SH3PXD2A: variants seen among roughly 807,000 people sequenced by gnomAD.
SH3PXD2A encodes SH3 and PX domains 2A.
SH3PXD2A carries 32 observed loss-of-function variants against 115.2 expected under a neutral mutation model. The observed-to-expected ratio is 0.28, with a 90% CI of 0.21 to 0.37. SH3PXD2A has a LOEUF of 0.37. Ranked by LOEUF, SH3PXD2A falls within the 10% of genes least tolerant of loss-of-function variation. The pLI, the probability that SH3PXD2A is intolerant of heterozygous loss-of-function variation, is 1.00. For synonymous variants in SH3PXD2A, 610 were observed against 629.1 expected (o/e 0.97, Z 0.45); for missense variants, 1,328 against 1,498.7 (o/e 0.89, Z 1.88).
intron 8 of SH3PXD2A, among the ~76,000 whole-genome samples, chr10:103,649,794 A>G (rs1287358243): frequency 2.0e-5 from 3 of 152,356 alleles, no homozygotes; most frequent in African/African-American, 4.8e-5. Flanking sequence ...CATCATGTCC[A>G]GAAACACCAG....
At chr10:103,803,153 G>A (rs540387339) in intron 1 of SH3PXD2A, among the ~76,000 whole-genome samples, 11 of 152,248 alleles carry the variant, frequency 7.2e-5, no homozygotes, top group African/African-American at 2.4e-4. Context: ...ATGCCATGGC[G>A]AGTTTTTTCT....
At chr10:103,816,053 T>G (rs1366341399) in intron 1 of SH3PXD2A, among the ~76,000 whole-genome samples, 1 of 151,414 alleles carries the variant, frequency 6.6e-6, no homozygotes, top group African/African-American at 2.4e-5. Context: ...GTATGTAGAG[T>G]GAATATGTCT....
Position 103,665,379 on chromosome 10 carries a change from C to G in SH3PXD2A, c.472+3229G>C, listed in dbSNP as rs1206501945. ...ACCCCCACACCCCTTCCCCCCACCA[C>G]TTTCCTGGAAAATTGGCCTGACCTT... On this transcript the variant is annotated intron_variant, in intron 7 of 14. Coordinates refer to ENST00000369774, the MANE Select transcript of SH3PXD2A (RefSeq NM_001394015.1). This position sits in a 1 kb window ranked among gnomAD's most constrained non-coding sequence, Gnocchi z 4.0. Among the ~76,000 whole-genome samples the G allele has an allele frequency of 6.6e-6, 1 of 152,194 alleles. No homozygotes were observed.
rs1414555899 is a variant in SH3PXD2A, at chr10:103,602,444, C to A, written c.2774G>T (p.Ser925Ile). ...KGRQNEGKSDSLEKIERRVQA... is the reference protein window; with the variant it reads ...KGRQNEGKSDILEKIERRVQA... ...GACGCGCCTCTCGATCTTCTCCAGG[C>A]TGTCTGATTTGCCTTCGTTCTGCCT... Residue 925 changes from serine to isoleucine, a missense_variant, in exon 15 of 15, where the codon AGC becomes ATC. Ser to Ile is a moderately radical substitution (Grantham distance 142). This residue lies in a region of SH3PXD2A where 574 missense variants were observed against 565.7 expected (regional missense o/e 1.01). Transcript: ENST00000369774. 6 of 1,614,142 alleles carry A rather than the reference C, an allele frequency of 3.7e-6. No individual in the cohort carries two copies. In the South Asian group the frequency reaches 6.6e-5, roughly 18 times the overall value.
intron 2 of SH3PXD2A, among the ~76,000 whole-genome samples, chr10:103,777,926 C>T (rs894504593): frequency 1.3e-5 from 2 of 152,172 alleles, no homozygotes; most frequent in Non-Finnish European, 2.9e-5. Flanking sequence ...CAAGCAAGTG[C>T]TGCCAAATGC....
chr10:103,607,578 G>GAGCCTCTGCCCGGC (rs1564842752), intron 13 of SH3PXD2A, among the ~76,000 whole-genome samples: 1 of 152,034 alleles, frequency 6.6e-6, no homozygotes, highest in African/African-American at 2.4e-5. Flanking sequence ...GAGGTGAGGG[G>GAGCCTCTGCCCGGC]CGCCTCTGCC....
chr10:103,849,039 G>A (rs1842874041), intron 1 of SH3PXD2A, among the ~76,000 whole-genome samples: 1 of 149,198 alleles, frequency 6.7e-6, no homozygotes, highest in Non-Finnish European at 1.5e-5. Context: ...ACGGCAGCGA[G>A]TGGTGGGGCC....
At chr10:103,609,474 A>G (rs191693681) in intron 13 of SH3PXD2A, 19 of 152,346 alleles carry the variant, frequency 1.2e-4, no homozygotes, top group South Asian at 4.1e-4. Flanking sequence ...GAGATCCTCA[A>G]TGCTTTTCAG....
At chr10:103,612,788 C>T (rs1421021797) in intron 12 of SH3PXD2A, 65 bp downstream of exon 12, 20 of 1,228,478 alleles carry the variant, frequency 1.6e-5, no homozygotes, top group Admixed American at 7.8e-5. Context: ...CTGGCTTTCA[C>T]GGCACCCATG....
intron 5 of SH3PXD2A, among the ~76,000 whole-genome samples, chr10:103,716,566 C>T (rs1589426552): frequency 6.6e-6 from 1 of 152,242 alleles, no homozygotes; most frequent in African/African-American, 2.4e-5. Context: ...AGGGATAAGC[C>T]CAGGGTGAGA....
chr10:103,660,399 T>C (rs968777044), intron 8 of SH3PXD2A, among the ~76,000 whole-genome samples: 1 of 152,198 alleles, frequency 6.6e-6, no homozygotes, highest in African/African-American at 2.4e-5. Context: ...GGACCTTGCC[T>C]GGCCCAGGCC....
intron 3 of SH3PXD2A, among the ~76,000 whole-genome samples, chr10:103,743,563 G>C (rs960191401): frequency 6.6e-6 from 1 of 152,068 alleles, no homozygotes; most frequent in Non-Finnish European, 1.5e-5. Flanking sequence ...TAGTGATGGG[G>C]TCTTGTTATG....
chr10:103,710,684 T>C (rs1012009509), intron 5 of SH3PXD2A, among the ~76,000 whole-genome samples: 2 of 152,156 alleles, frequency 1.3e-5, no homozygotes, highest in Non-Finnish European at 2.9e-5. Context: ...TAATTACCTC[T>C]GTGGTATATG....
intron 4 of SH3PXD2A, among the ~76,000 whole-genome samples, chr10:103,732,219 G>A (rs2038328696): frequency 6.6e-6 from 1 of 152,110 alleles, no homozygotes; most frequent in Admixed American, 6.5e-5. Context: ...TTCACCCCTA[G>A]GAACGGGGTA....
chr10:103,614,025 G>A (rs1316524760), intron 11 of SH3PXD2A, among the ~76,000 whole-genome samples: 1 of 152,158 alleles, frequency 6.6e-6, no homozygotes, highest in Admixed American at 6.5e-5. Flanking sequence ...GGGAAGCTGA[G>A]GCAGGAGGAT....
intron 11 of SH3PXD2A, among the ~76,000 whole-genome samples, chr10:103,614,027 C>T (rs543575215): frequency 6.6e-6 from 1 of 152,142 alleles, no homozygotes; most frequent in South Asian, 2.1e-4. Context: ...GAAGCTGAGG[C>T]AGGAGGATCG....
At chr10:103,766,726 A>T (rs1382450939) in intron 3 of SH3PXD2A, among the ~76,000 whole-genome samples, 6 of 152,190 alleles carry the variant, frequency 3.9e-5, no homozygotes, top group Non-Finnish European at 7.3e-5. Context: ...CGCTCAATTT[A>T]AGGTTATCCG....
At chr10:103,652,972 G>T (rs3781345) in intron 8 of SH3PXD2A, among the ~76,000 whole-genome samples, 65,676 of 151,886 alleles carry the variant, frequency 0.43, 14,490 homozygotes, top group East Asian at 0.63. Flanking sequence ...AGAACCAGCG[G>T]GCCTTCTGCT....
At chr10:103,670,913 C>T (rs1014435314) in intron 6 of SH3PXD2A, among the ~76,000 whole-genome samples, 1 of 152,234 alleles carries the variant, frequency 6.6e-6, no homozygotes, top group Non-Finnish European at 1.5e-5. Flanking sequence ...AGTTTCAACT[C>T]CCTGCTGCTG....
Sources: allele counts gnomAD v4.1 joint callset (sites outside exome capture counted in the v4.1 genomes callset), GRCh38; gene constraint gnomAD v4.1.1; regional missense constraint gnomAD v4.1.1; non-coding constraint Gnocchi (gnomAD v3.1); transcripts MANE v1.5; gene names NCBI Gene and HGNC (gene_info 2026-07-23, HGNC 2026-07-21).